LHFPL6: variants seen among roughly 807,000 people sequenced by gnomAD.
LHFPL6 encodes LHFPL tetraspan subfamily member 6 protein.
LHFPL6 carries 9 observed loss-of-function variants against 20.6 expected under a neutral mutation model. That is an observed-to-expected ratio of 0.44 (90% CI 0.26 to 0.76). The LOEUF is 0.76. Ranked by LOEUF, LHFPL6 falls within the 30% of genes least tolerant of loss-of-function variation. The probability of loss-of-function intolerance (pLI) is 0.20; values close to 1 mark genes in which losing one functional copy is unlikely to be tolerated. For synonymous variants in LHFPL6, 105 were observed against 98.7 expected (o/e 1.06, Z -0.38); for missense variants, 218 against 253.5 (o/e 0.86, Z 0.95).
rs573890978 is a variant in LHFPL6, at chr13:39,356,443, T to G, written c.485-12389A>C. ...TTAGAAAGATCTCAAGTTAATAATCTAACATCATATCTGTGGGAAAAGAAA... is the reference window on the plus strand; with the variant it reads ...TTAGAAAGATCTCAAGTTAATAATCGAACATCATATCTGTGGGAAAAGAAA... On this transcript the variant is annotated intron_variant, in intron 3 of 3. Coordinates refer to ENST00000379589, the MANE Select transcript of LHFPL6 (RefSeq NM_005780.3). Among the ~76,000 whole-genome samples the G allele has an allele frequency of 1.3e-5, 2 of 152,258 alleles. 1 individual carries two copies. The highest frequency in any genetic ancestry group is 1.3e-4 in the Admixed American group (2 of 15,298).
rs1365399871 is a variant in LHFPL6, at chr13:39,343,944, G to T, written c.595C>A (p.Pro199Thr). The change falls in exon 4 of 4, where the codon CCA becomes ACA. Residue 199 changes from proline to threonine, a missense_variant. Transcript: ENST00000379589. Reference protein sequence around the residue: ...CFSGKKQKHYPY With the variant: ...CFSGKKQKHYTY ...CTCTTGGTAGCTCCATCTCAGTATGGGTAGTGCTTCTGTTTCTTGCCCGAA... is the reference window on the plus strand; with the variant it reads ...CTCTTGGTAGCTCCATCTCAGTATGTGTAGTGCTTCTGTTTCTTGCCCGAA... The T allele has an allele frequency of 1.2e-6, 2 of 1,613,308 alleles. No individual in the cohort carries two copies. Among genetic ancestry groups the T allele is most frequent in the Non-Finnish European group, 1.7e-6 (2 of 1,179,612 alleles).
chr13:39,442,189 A>T (rs1872157898), intron 2 of LHFPL6, among the ~76,000 whole-genome samples: 1 of 152,152 alleles, frequency 6.6e-6, no homozygotes, highest in Non-Finnish European at 1.5e-5. Flanking sequence ...ATGGGAAAGA[A>T]CTGAGTTTAA....
chr13:39,479,720 A>C (rs1384614166), intron 2 of LHFPL6, among the ~76,000 whole-genome samples: 1 of 152,220 alleles, frequency 6.6e-6, no homozygotes, highest in Admixed American at 6.5e-5. Flanking sequence ...GAACTCACAG[A>C]CTAGAAAGGG....
intron 2 of LHFPL6, among the ~76,000 whole-genome samples, chr13:39,387,721 C>A (rs918817107): frequency 6.6e-6 from 1 of 152,120 alleles, no homozygotes; most frequent in Non-Finnish European, 1.5e-5. Context: ...TTCTCCAATG[C>A]CTCCCAAATC....
intron 2 of LHFPL6, among the ~76,000 whole-genome samples, chr13:39,430,705 A>G (rs1282321212): frequency 6.6e-6 from 1 of 152,184 alleles, no homozygotes; most frequent in Non-Finnish European, 1.5e-5. Context: ...AAGGTTTGTA[A>G]ACACATCAAT....
In LHFPL6 at chr13:39,483,768, AAATATTCAGCCAGC is replaced by A. The variant is rs1217165116; in HGVS notation, c.386-105256_386-105243del. ...TTGACTGAGCAACAGGAAGAGGCTAAAATATTCAGCCAGCACTTGCTTGTGATTATCTGCCACCC... is the reference window on the plus strand; with the variant it reads ...TTGACTGAGCAACAGGAAGAGGCTAAACTTGCTTGTGATTATCTGCCACCC... On this transcript the variant is annotated intron_variant, in intron 2 of 3. Transcript: ENST00000379589. Among the ~76,000 whole-genome samples the A allele has an allele frequency of 4.1e-4, 63 of 152,304 alleles. 1 individual carries two copies. In the East Asian group the frequency reaches 0.012, roughly 28 times the overall value.
intron 2 of LHFPL6, among the ~76,000 whole-genome samples, chr13:39,407,002 T>C (rs1361872298): frequency 6.6e-6 from 1 of 152,210 alleles, no homozygotes; most frequent in Non-Finnish European, 1.5e-5. Context: ...TAAACCAACA[T>C]GGGTCTACAG....
At chr13:39,531,670 C>T (rs1431645367) in intron 2 of LHFPL6, among the ~76,000 whole-genome samples, 1 of 152,148 alleles carries the variant, frequency 6.6e-6, no homozygotes, top group African/African-American at 2.4e-5. Context: ...AGCCCCTGAA[C>T]GCTAGATGTG....
chr13:39,567,032 T>TG (rs1871744166), intron 2 of LHFPL6, among the ~76,000 whole-genome samples: 1 of 121,530 alleles, frequency 8.2e-6, no homozygotes, highest in Non-Finnish European at 1.7e-5. Context: ...AGCCAGGGTT[T>TG]TTTTTTTTTT....
Position 39,343,469 on chromosome 13 carries a change from A to G in LHFPL6, c.*467T>C. ...CTTGTGTGCTTTTGGGAGTGCCGTG[A>G]CCTACAGGGAACATCTTTGGGGGTA... On this transcript the variant is annotated 3_prime_UTR_variant, in exon 4 of 4. Transcript: ENST00000379589. 4.3e-6 allele frequency: 1 copy of G among 232,888 alleles called. No homozygotes were observed. The highest frequency in any genetic ancestry group is 8.5e-6 in the Non-Finnish European group (1 of 117,734). 14.4% of individuals were successfully genotyped at this position (232,888 alleles called of 1,614,324 possible).
chr13:39,376,384 C>T (rs1234786070), intron 3 of LHFPL6, among the ~76,000 whole-genome samples: 1 of 152,112 alleles, frequency 6.6e-6, no homozygotes, highest in Non-Finnish European at 1.5e-5. Context: ...TATGGCAAAC[C>T]CAAACTAAAC....
chr13:39,579,061 C>G (rs1004693951), intron 2 of LHFPL6, among the ~76,000 whole-genome samples: 1 of 152,110 alleles, frequency 6.6e-6, no homozygotes, highest in Non-Finnish European at 1.5e-5. Flanking sequence ...ATAAACAAGA[C>G]CGGGGTGAAT....
chr13:39,365,454 T>C (rs2138348625), intron 3 of LHFPL6, among the ~76,000 whole-genome samples: 1 of 152,326 alleles, frequency 6.6e-6, no homozygotes, highest in African/African-American at 2.4e-5. Flanking sequence ...GATCCCTTTT[T>C]GCTTGTACAG....
chr13:39,405,245 T>TTC (rs1312895824), intron 2 of LHFPL6, among the ~76,000 whole-genome samples: 1 of 152,212 alleles, frequency 6.6e-6, no homozygotes, highest in Non-Finnish European at 1.5e-5. Context: ...CAACTCTGCC[T>TTC]TCTGTCTCAG....
chr13:39,555,520 T>G (rs1286110768), intron 2 of LHFPL6, among the ~76,000 whole-genome samples: 1 of 152,214 alleles, frequency 6.6e-6, no homozygotes, highest in Admixed American at 6.5e-5. Context: ...TGGGTCACTA[T>G]TTCCTCATCT....
intron 2 of LHFPL6, among the ~76,000 whole-genome samples, chr13:39,527,722 GC>G (rs763610182): frequency 1.1e-3 from 161 of 151,954 alleles, no homozygotes; most frequent in Admixed American, 2.0e-3. Context: ...TTGTTACTTA[GC>G]TTTTACAGTT....
chr13:39,590,709 G>A (rs1222241931), intron 2 of LHFPL6, among the ~76,000 whole-genome samples: 1 of 152,214 alleles, frequency 6.6e-6, no homozygotes, highest in Non-Finnish European at 1.5e-5. Flanking sequence ...TCATTGATAT[G>A]TAAGTATGAT....
At chr13:39,494,159 A>G (rs974421734) in intron 2 of LHFPL6, among the ~76,000 whole-genome samples, 8 of 152,158 alleles carry the variant, frequency 5.3e-5, no homozygotes, top group Non-Finnish European at 8.8e-5. Flanking sequence ...TATAGTCATG[A>G]CCATTGTGCT....
At chr13:39,353,819 C>T (rs572684605) in intron 3 of LHFPL6, among the ~76,000 whole-genome samples, 27 of 152,252 alleles carry the variant, frequency 1.8e-4, no homozygotes, top group African/African-American at 6.3e-4. Context: ...AACTCCAAGG[C>T]GTCTATTTAT....
Sources: allele counts gnomAD v4.1 joint callset (sites outside exome capture counted in the v4.1 genomes callset), GRCh38; gene constraint gnomAD v4.1.1; transcripts MANE v1.5; gene names NCBI Gene and HGNC (gene_info 2026-07-23, HGNC 2026-07-21).